SNX1: variants seen among roughly 807,000 people sequenced by gnomAD.
SNX1 encodes sorting nexin 1, also known as sorting nexin-1.
In SNX1, 36 loss-of-function variants were observed where a neutral mutation model predicts 71.8. The observed-to-expected ratio is 0.50, with a 90% CI of 0.38 to 0.66. SNX1 has a LOEUF of 0.66. Ranked by LOEUF, SNX1 falls within the 30% of genes least tolerant of loss-of-function variation. SNX1 has a pLI of 0.00. For synonymous variants in SNX1, 254 were observed against 240.7 expected, an observed-to-expected ratio of 1.06 and a Z score of -0.51; for missense variants, 612 against 646.7, an observed-to-expected ratio of 0.95 and a Z score of 0.58.
At chr15:64,120,164 G>A (rs1426096286) in intron 4 of SNX1, among the ~76,000 whole-genome samples, 2 of 152,104 alleles carry the variant, frequency 1.3e-5, no homozygotes, top group Admixed American at 6.5e-5. Flanking sequence ...TCCTAAACAG[G>A]AGTGGTGTTT....
At chr15:64,118,929 C>T (rs1014553279) in intron 4 of SNX1, 75 bp downstream of exon 4, 4 of 1,134,716 alleles carry the variant, frequency 3.5e-6, no homozygotes, top group Non-Finnish European at 5.3e-6. Flanking sequence ...TTCAGGATGG[C>T]TACCCCCAGA....
Position 64,137,961 on chromosome 15 carries a change from G to T in SNX1, c.*343G>T, listed in dbSNP as rs2081377260. 1.4e-6 allele frequency: 2 copies of T among 1,436,754 alleles called. No individual in the cohort carries two copies. The highest frequency in any genetic ancestry group is 1.8e-6 in the Non-Finnish European group (2 of 1,102,874). The allele number at this position is 1,436,754 out of a possible 1,614,324, so 89.0% of individuals were successfully genotyped here. ...GGGAATAACGTTTTCTGTTACTCCT[G>T]ATGGTGCCATGAAAAGGTTATGTAA... On this transcript the variant is annotated 3_prime_UTR_variant, in exon 15 of 15. Coordinates refer to ENST00000559844, the MANE Select transcript of SNX1 (RefSeq NM_003099.5).
Position 64,137,672 on chromosome 15 carries a change from C to T in SNX1, c.*54C>T. On this transcript the variant is annotated 3_prime_UTR_variant, in exon 15 of 15. Transcript: ENST00000559844. ...GTGACGCTGCCTTTTTATACACTGT[C>T]CTCCTCCACCTTGATGGACCCCTAG... is the stretch of plus-strand genomic sequence containing the variant. 6.2e-7 allele frequency: 1 copy of T among 1,612,456 alleles called. No homozygotes were observed. Among genetic ancestry groups the T allele is most frequent in the Non-Finnish European group, 8.5e-7 (1 of 1,178,984 alleles).
At chr15:64,128,959 C>G (rs2140155546) in intron 8 of SNX1, among the ~76,000 whole-genome samples, 1 of 152,220 alleles carries the variant, frequency 6.6e-6, no homozygotes, top group Middle Eastern at 3.4e-3. Context: ...TTTAGAACTA[C>G]TGCCAGGCCA....
intron 10 of SNX1, among the ~76,000 whole-genome samples, chr15:64,131,223 C>T (rs1266653021): frequency 6.6e-6 from 1 of 152,158 alleles, no homozygotes; most frequent in East Asian, 1.9e-4. Context: ...GCGGAGGTTA[C>T]AGTGAGCTGA....
intron 1 of SNX1, among the ~76,000 whole-genome samples, chr15:64,106,415 A>T (rs948018942): frequency 2.0e-5 from 3 of 152,192 alleles, no homozygotes; most frequent in African/African-American, 7.2e-5. Context: ...TCCCAAGCAC[A>T]AATACTTTTA....
chr15:64,111,900 C>T (rs534371230), intron 1 of SNX1, among the ~76,000 whole-genome samples: 2 of 152,302 alleles, frequency 1.3e-5, no homozygotes, highest in African/African-American at 4.8e-5. Context: ...CCCTTGTTTG[C>T]CGCTGATCAC....
chr15:64,122,452 G>A (rs911397768), intron 4 of SNX1, among the ~76,000 whole-genome samples: 1 of 152,120 alleles, frequency 6.6e-6, no homozygotes, highest in African/African-American at 2.4e-5. Context: ...GACAAGCCCT[G>A]TATTCCTGTG....
intron 1 of SNX1, among the ~76,000 whole-genome samples, chr15:64,101,037 AGT>A (rs1760470395): frequency 6.6e-6 from 1 of 152,186 alleles, no homozygotes; most frequent in African/African-American, 2.4e-5. Flanking sequence ...ACTGGGCTCA[AGT>A]GATCCTCCCA....
intron 1 of SNX1, among the ~76,000 whole-genome samples, chr15:64,109,970 T>G (rs942624921): frequency 6.6e-6 from 1 of 152,202 alleles, no homozygotes; most frequent in Non-Finnish European, 1.5e-5. Context: ...TACTTAAGAA[T>G]CTATCCCAAG....
rs539585477 is a variant in SNX1 at position 64,132,016 on chromosome 15, T to G, written c.1221+124T>G. 12 of 964,246 alleles carry G rather than the reference T, an allele frequency of 1.2e-5. 1 individual carries two copies. The African/African-American group carries it at 1.8e-4, about 14-fold the overall frequency. The allele number at this position is 964,246 out of a possible 1,614,324, so 59.7% of individuals were successfully genotyped here. On this transcript the variant is annotated intron_variant, in intron 11 of 14. Coordinates refer to ENST00000559844, the MANE Select transcript of SNX1 (RefSeq NM_003099.5). ...AAATAGGTGTCACTTTTTCTACTTT[T>G]AAGAGGAAAGGTATCCTGTAAACCA...
At chr15:64,099,970 C>T (rs1595972023) in intron 1 of SNX1, among the ~76,000 whole-genome samples, 1 of 152,152 alleles carries the variant, frequency 6.6e-6, no homozygotes, top group South Asian at 2.1e-4. Context: ...CCTTGGTATC[C>T]CAAAGTGCTG....
chr15:64,126,257 T>C, intron 6 of SNX1, 37 bp downstream of exon 6: 2 of 1,598,438 alleles, frequency 1.3e-6, no homozygotes, highest in South Asian at 1.1e-5. Flanking sequence ...TGGATTGTTT[T>C]CCTTTGCATT....
Position 64,142,456 on chromosome 15 carries a change from G to A in SNX1, c.*4838G>A. On this transcript the variant is annotated 3_prime_UTR_variant, in exon 15 of 15. Coordinates refer to ENST00000559844, the MANE Select transcript of SNX1 (RefSeq NM_003099.5). ...GCATGTTAATAAAATTCAGAGAAGA[G>A]AAAGAGAATGACTATCAGAGCCATG... 1 of 322,410 alleles carries A rather than the reference G, an allele frequency of 3.1e-6. No individual in the cohort carries two copies. Among genetic ancestry groups the A allele is most frequent in the South Asian group, 2.5e-5 (1 of 40,708 alleles). The allele number at this position is 322,410 out of a possible 1,614,324, so 20.0% of individuals were successfully genotyped here. A position where few individuals can be genotyped will look rare whatever the true frequency, so the allele number is the denominator to read the frequency against.
At chr15:64,118,386 T>G in intron 3 of SNX1, 142 bp downstream of exon 3, 1 of 924,080 alleles carries the variant, frequency 1.1e-6, no homozygotes, top group Non-Finnish European at 1.6e-6. Context: ...ACAGCCAGAA[T>G]CCAATACAGG....
At chr15:64,102,397 A>T (rs925550349) in intron 1 of SNX1, among the ~76,000 whole-genome samples, 1 of 152,248 alleles carries the variant, frequency 6.6e-6, no homozygotes, top group Non-Finnish European at 1.5e-5. Context: ...TGTTGAGAAC[A>T]TTAGAATTCT....
chr15:64,098,987 GC>G (rs2080930621), intron 1 of SNX1, among the ~76,000 whole-genome samples: 1 of 152,176 alleles, frequency 6.6e-6, no homozygotes, highest in Non-Finnish European at 1.5e-5. Context: ...TCTTCAGGAT[GC>G]CAAGACCCCA....
chr15:64,126,284 C>G (rs2290121), intron 6 of SNX1, 64 bp downstream of exon 6: 1 of 1,540,158 alleles, frequency 6.5e-7, no homozygotes, highest in East Asian at 2.2e-5. Flanking sequence ...AAAATTCACT[C>G]ACTGTTCAGT....
Position 64,138,304 on chromosome 15 carries a change from A to T in SNX1, c.*686A>T. On this transcript the variant is annotated 3_prime_UTR_variant, in exon 15 of 15. Transcript: ENST00000559844. ...ATTAAAACCTATTCTCCTGCAAAGGAGGCAGAGACTTTCTCTCTCTCTTTT... is the reference window on the plus strand; with the variant it reads ...ATTAAAACCTATTCTCCTGCAAAGGTGGCAGAGACTTTCTCTCTCTCTTTT... 3.9e-5 allele frequency: 36 copies of T among 922,474 alleles called. No individual in the cohort carries two copies. Among genetic ancestry groups the T allele is most frequent in the Non-Finnish European group, 5.0e-5 (33 of 664,928 alleles). The allele number at this position is 922,474 out of a possible 1,614,324, so 57.1% of individuals were successfully genotyped here. A position where few individuals can be genotyped will look rare whatever the true frequency, so the allele number is the denominator to read the frequency against.
Sources: allele counts gnomAD v4.1 joint callset (sites outside exome capture counted in the v4.1 genomes callset), GRCh38; gene constraint gnomAD v4.1.1; transcripts MANE v1.5; gene names NCBI Gene and HGNC (gene_info 2026-07-23, HGNC 2026-07-21).